Variants in CCDC178 observed in about 807,000 individuals in gnomAD.
CCDC178 encodes the protein coiled-coil domain containing 178, also known as coiled-coil domain-containing protein 178.
A neutral mutation model predicts 117.4 loss-of-function variants in CCDC178; 126 were observed. The ratio of observed to expected loss-of-function variants is 1.07; its 90% CI spans 0.93 to 1.24. The LOEUF (loss-of-function observed/expected upper bound fraction) is 1.24, where lower values mean the gene tolerates loss of function less well. Ranked by LOEUF, CCDC178 falls within the 50% of genes most tolerant of loss-of-function variation. The pLI is 0.00. For synonymous variants in CCDC178, 283 were observed against 313.4 expected (o/e 0.90, Z 1.02); for missense variants, 1,030 against 986.9 (o/e 1.04, Z -0.59).
At chr18:33,025,440 G>A (rs775629071) in intron 21 of CCDC178, among the ~76,000 whole-genome samples, 2 of 152,088 alleles carry the variant, frequency 1.3e-5, no homozygotes, top group African/African-American at 4.8e-5. Flanking sequence ...GAAAGACTCT[G>A]TTAAGAGGAT....
At chr18:33,127,761 G>A (rs1178435337) in intron 20 of CCDC178, among the ~76,000 whole-genome samples, 2 of 152,000 alleles carry the variant, frequency 1.3e-5, no homozygotes, top group Non-Finnish European at 2.9e-5. Flanking sequence ...TTAACAGTAG[G>A]GAGAATAAAG....
intron 15 of CCDC178, among the ~76,000 whole-genome samples, chr18:33,238,327 C>T (rs1350959030): frequency 6.6e-6 from 1 of 151,582 alleles, no homozygotes; most frequent in East Asian, 1.9e-4. Context: ...ATATAAAATG[C>T]CAGAAAAAGA....
intron 20 of CCDC178, among the ~76,000 whole-genome samples, chr18:33,131,977 T>A (rs2058072608): frequency 6.8e-6 from 1 of 148,144 alleles, no homozygotes; most frequent in Admixed American, 6.7e-5. Context: ...TTATATTGAT[T>A]GTTTGTTTGT....
At chr18:33,404,059 G>A (rs1009946026) in intron 3 of CCDC178, among the ~76,000 whole-genome samples, 1 of 152,138 alleles carries the variant, frequency 6.6e-6, no homozygotes, top group African/African-American at 2.4e-5. Context: ...CCAATGGAAA[G>A]AGGGAAATAT....
intron 2 of CCDC178, among the ~76,000 whole-genome samples, chr18:33,420,649 C>T (rs1273331040): frequency 2.0e-5 from 3 of 152,132 alleles, no homozygotes; most frequent in Non-Finnish European, 4.4e-5. Context: ...GCCACTGTGC[C>T]CAGCCTGCCA....
intron 21 of CCDC178, among the ~76,000 whole-genome samples, chr18:33,055,988 A>C (rs747545703): frequency 1.3e-5 from 2 of 152,056 alleles, no homozygotes; most frequent in African/African-American, 2.4e-5. Context: ...TTTTTAGCAG[A>C]GACAGGGTTT....
intron 20 of CCDC178, among the ~76,000 whole-genome samples, chr18:33,155,038 G>T (rs187432105): frequency 2.5e-4 from 38 of 152,196 alleles, no homozygotes; most frequent in Admixed American, 8.5e-4. Context: ...TGAGATTATA[G>T]ATTTTGTGTC....
intron 5 of CCDC178, among the ~76,000 whole-genome samples, chr18:33,374,584 T>A (rs546262543): frequency 2.5e-3 from 384 of 152,314 alleles, no homozygotes; most frequent in Non-Finnish European, 4.3e-3. Flanking sequence ...GGCAATTTCT[T>A]ATAAAAGTTA....
At chr18:33,380,219 C>T (rs183804572) in intron 5 of CCDC178, among the ~76,000 whole-genome samples, 21 of 152,294 alleles carry the variant, frequency 1.4e-4, no homozygotes, top group Admixed American at 7.8e-4. Flanking sequence ...GGTAGCTCTG[C>T]TCCTGCCCCC....
chr18:33,188,507 T>C (rs2058821403), intron 20 of CCDC178, among the ~76,000 whole-genome samples: 2 of 151,922 alleles, frequency 1.3e-5, no homozygotes, highest in African/African-American at 4.8e-5. Flanking sequence ...ATGAAACAAA[T>C]GAGAAGGTCA....
intron 2 of CCDC178, among the ~76,000 whole-genome samples, chr18:33,431,745 A>G (rs956414017): frequency 6.6e-6 from 1 of 152,296 alleles, no homozygotes; most frequent in African/African-American, 2.4e-5. Flanking sequence ...TTATCAGCTG[A>G]AGATATTGAA....
chr18:33,312,888 C>G (rs1310739067), intron 11 of CCDC178, among the ~76,000 whole-genome samples: 1 of 152,176 alleles, frequency 6.6e-6, no homozygotes, highest in African/African-American at 2.4e-5. Context: ...ATCTCACAAC[C>G]ACTTAGGGGT....
chr18:33,076,271 C>A (rs372390365), intron 21 of CCDC178, among the ~76,000 whole-genome samples: 1 of 152,178 alleles, frequency 6.6e-6, no homozygotes. Context: ...CCATGAATGA[C>A]ACCTCCAATC....
intron 21 of CCDC178, among the ~76,000 whole-genome samples, chr18:33,083,458 G>C (rs1275470569): frequency 2.6e-5 from 4 of 152,150 alleles, no homozygotes; most frequent in Non-Finnish European, 5.9e-5. Context: ...CAATTTCAGT[G>C]CTTCCTCCAA....
At chr18:33,239,050 A>T (rs764278752) in intron 15 of CCDC178, among the ~76,000 whole-genome samples, 3 of 152,150 alleles carry the variant, frequency 2.0e-5, no homozygotes, top group Non-Finnish European at 4.4e-5. Context: ...ATGAAAAAGA[A>T]AAGTATTCTA....
chr18:33,383,723 A>G (rs1219593365), intron 5 of CCDC178, among the ~76,000 whole-genome samples: 1 of 152,164 alleles, frequency 6.6e-6, no homozygotes, highest in Non-Finnish European at 1.5e-5. Flanking sequence ...AGCCTCAAAG[A>G]TCAATGGTAG....
chr18:33,276,809 G>A (rs4799684), intron 12 of CCDC178, among the ~76,000 whole-genome samples: 1 of 152,038 alleles, frequency 6.6e-6, no homozygotes, highest in Non-Finnish European at 1.5e-5. Flanking sequence ...GTTCAAATTA[G>A]AAAATCCATT....
chr18:33,070,249 A>G (rs1182291363), intron 21 of CCDC178, among the ~76,000 whole-genome samples: 1 of 152,152 alleles, frequency 6.6e-6, no homozygotes, highest in Non-Finnish European at 1.5e-5. Flanking sequence ...AGCAGTATTC[A>G]TAATAGCCAA....
chr18:33,101,693 A>T (rs901109749), intron 20 of CCDC178, among the ~76,000 whole-genome samples: 1 of 151,978 alleles, frequency 6.6e-6, no homozygotes, highest in South Asian at 2.1e-4. Flanking sequence ...ACTTTATCAT[A>T]AAGTAATAAT....
Sources: allele counts gnomAD v4.1 joint callset (sites outside exome capture counted in the v4.1 genomes callset), GRCh38; gene constraint gnomAD v4.1.1; transcripts MANE v1.5; gene names NCBI Gene and HGNC (gene_info 2026-07-23, HGNC 2026-07-21).